SCCPDH: variants seen among roughly 807,000 people sequenced by gnomAD.
SCCPDH encodes the protein saccharopine dehydrogenase (putative).
In SCCPDH, 34 loss-of-function variants were observed where a neutral mutation model predicts 51.5. The ratio of observed to expected loss-of-function variants is 0.66; its 90% CI spans 0.50 to 0.88. The LOEUF (loss-of-function observed/expected upper bound fraction) is 0.88, where lower values mean the gene tolerates loss of function less well. SCCPDH is among the 40% of genes least tolerant of loss of function. The probability of loss-of-function intolerance (pLI) is 0.00; values close to 1 mark genes in which losing one functional copy is unlikely to be tolerated. For missense variants in SCCPDH, 464 were observed against 527.1 expected, an observed-to-expected ratio of 0.88 and a Z score of 1.17; for synonymous variants, 187 against 191.3, an observed-to-expected ratio of 0.98 and a Z score of 0.19.
At chr1:246,758,102 A>T in intron 5 of SCCPDH, 124 bp from the exon 6 acceptor site, 1 of 710,674 alleles carries the variant, frequency 1.4e-6, no homozygotes, top group East Asian at 2.9e-5. Flanking sequence ...AAGATTATTA[A>T]ATCAGGGATT....
chr1:246,724,762 AT>A, intron 1 of SCCPDH, 150 bp downstream of exon 1: 1 of 659,168 alleles, frequency 1.5e-6, no homozygotes, highest in Non-Finnish European at 2.4e-6. Flanking sequence ...GATGTTTCAA[AT>A]ACTGCCATAG....
At chr1:246,751,015 C>G (rs7527938) in intron 5 of SCCPDH, among the ~76,000 whole-genome samples, 40,557 of 152,190 alleles carry the variant, frequency 0.27, 5,892 homozygotes, top group Non-Finnish European at 0.32. Context: ...CTTGACGCAG[C>G]TGGAACAACA....
chr1:246,754,662 G>A (rs749272121), intron 5 of SCCPDH, among the ~76,000 whole-genome samples: 3 of 152,168 alleles, frequency 2.0e-5, no homozygotes, highest in Non-Finnish European at 2.9e-5. Flanking sequence ...AAGGGGGTCC[G>A]TGTGAGAGGG....
chr1:246,741,550 G>T (rs1001469818), intron 4 of SCCPDH, among the ~76,000 whole-genome samples: 5 of 151,950 alleles, frequency 3.3e-5, no homozygotes, highest in African/African-American at 1.2e-4. Context: ...CTCCCACCTT[G>T]GCCTCGCAGA....
At chr1:246,745,676 C>T (rs1488458070) in intron 5 of SCCPDH, among the ~76,000 whole-genome samples, 1 of 151,890 alleles carries the variant, frequency 6.6e-6, no homozygotes, top group Non-Finnish European at 1.5e-5. Context: ...GAAGTACTTT[C>T]TTCATCTCGA....
chr1:246,744,231 C>A, intron 5 of SCCPDH, 106 bp downstream of exon 5: 2 of 516,386 alleles, frequency 3.9e-6, no homozygotes, highest in South Asian at 4.8e-5. Context: ...GTGTGAAAGT[C>A]ACCATGTTTA....
chr1:246,744,166 T>C, intron 5 of SCCPDH, 41 bp downstream of exon 5: 3 of 1,249,070 alleles, frequency 2.4e-6, no homozygotes, highest in Non-Finnish European at 3.4e-6. Flanking sequence ...CAAGTTAATA[T>C]TAAAAATATT....
chr1:246,737,934 A>G (rs1412288294), intron 3 of SCCPDH, among the ~76,000 whole-genome samples: 2 of 152,074 alleles, frequency 1.3e-5, no homozygotes, highest in Non-Finnish European at 2.9e-5. Context: ...GTTGGCTCAT[A>G]CCTGTAATCT....
At position 246,764,193 on chromosome 1, in the gene SCCPDH, C is replaced by T. The variant is rs1004956805; in HGVS notation, c.991-53C>T. ...ATAGAATAGTCGGTTTTACTATGTT[C>T]CAGGAGGAAATGACGTATTTATGAA... On this transcript the variant is annotated intron_variant, in intron 9 of 11. Transcript: ENST00000366510. 3.7e-6 allele frequency: 4 copies of T among 1,081,790 alleles called. No homozygotes were observed. In the African/African-American group the frequency reaches 4.7e-5, roughly 13 times the overall value. The allele number at this position is 1,081,790 out of a possible 1,614,324, so 67.0% of individuals were successfully genotyped here.
chr1:246,728,833 G>A (rs943056521), intron 2 of SCCPDH, among the ~76,000 whole-genome samples: 3 of 152,076 alleles, frequency 2.0e-5, no homozygotes, highest in African/African-American at 7.2e-5. Flanking sequence ...GGAAAAACTG[G>A]TCCTCTTCCT....
At chr1:246,728,015 G>C (rs1202227232) in intron 2 of SCCPDH, among the ~76,000 whole-genome samples, 2 of 146,346 alleles carry the variant, frequency 1.4e-5, no homozygotes. Context: ...CAATGGAATG[G>C]TGCAAGCACA....
intron 3 of SCCPDH, 105 bp from the exon 4 acceptor site, chr1:246,740,067 T>G (rs1227403867): frequency 1.1e-6 from 1 of 880,970 alleles, no homozygotes; most frequent in Non-Finnish European, 1.7e-6. Flanking sequence ...CCACACTGCT[T>G]AGCATTTTCA....
At chr1:246,764,163 TTGAAA>T in intron 9 of SCCPDH, 78 bp from the exon 10 acceptor site, 1 of 786,578 alleles carries the variant, frequency 1.3e-6, no homozygotes, top group Non-Finnish European at 2.2e-6. Flanking sequence ...AATGTCTCAC[TTGAAA>T]TAGAATAGTC....
rs1267006149 is a variant in SCCPDH at position 246,767,338 on chromosome 1, A to T, written c.*38A>T. 4 of 1,197,594 alleles carry T rather than the reference A, an allele frequency of 3.3e-6. No homozygotes were observed. Among genetic ancestry groups the T allele is most frequent in the Admixed American group, 2.3e-5 (1 of 44,196 alleles). 74.2% of individuals were successfully genotyped at this position (1,197,594 alleles called of 1,614,324 possible). A position where few individuals can be genotyped will look rare whatever the true frequency, so the allele number is the denominator to read the frequency against. On this transcript the variant is annotated 3_prime_UTR_variant, in exon 12 of 12. Coordinates refer to ENST00000366510, the MANE Select transcript of SCCPDH (RefSeq NM_016002.3). ...TTAACTGAAGTCATAACGTGCGTGA[A>T]TTAACAGCTTCTCTATTTGATATTT...
At chr1:246,725,743 T>G (rs1410725084) in intron 1 of SCCPDH, among the ~76,000 whole-genome samples, 1 of 152,170 alleles carries the variant, frequency 6.6e-6, no homozygotes, top group Non-Finnish European at 1.5e-5. Flanking sequence ...CTTCCATTTC[T>G]TTTTTCGGCT....
chr1:246,766,088 T>C lies in SCCPDH; in HGVS notation c.1133T>C (p.Met378Thr). 3 of 1,613,664 alleles carry C rather than the reference T, an allele frequency of 1.9e-6. No individual in the cohort carries two copies. The highest frequency in any genetic ancestry group is 1.7e-4 in the Middle Eastern group (1 of 6,060). Residue 378 changes from methionine to threonine, a missense_variant, in exon 11 of 12, where the codon ATG (methionine) becomes ACG (threonine). Physicochemically the swap from Met to Thr is moderately conservative, Grantham distance 81 (BLOSUM62 -1). Transcript: ENST00000366510. The part of the protein sequence containing the change: ...EAGYVATPIA[M>T]VQAAMTLLSD... ...GGCTATGTGGCTACCCCCATAGCTA[T>C]GGTTCAGGCAGCCATGACTCTTCTA... is the stretch of plus-strand genomic sequence containing the variant.
chr1:246,729,540 CATT>C (rs1217037644), intron 2 of SCCPDH, among the ~76,000 whole-genome samples: 3 of 152,224 alleles, frequency 2.0e-5, no homozygotes, highest in Non-Finnish European at 4.4e-5. Flanking sequence ...GGCAGTCAGA[CATT>C]ATGGTTATCT....
intron 5 of SCCPDH, among the ~76,000 whole-genome samples, chr1:246,748,374 G>T (rs978599270): frequency 5.3e-5 from 8 of 152,218 alleles, no homozygotes; most frequent in African/African-American, 9.7e-5. Flanking sequence ...GGACAAAGCG[G>T]TAAGTCTTTG....
At chr1:246,764,183 T>A in intron 9 of SCCPDH, 63 bp from the exon 10 acceptor site, 1 of 976,898 alleles carries the variant, frequency 1.0e-6, no homozygotes, top group Non-Finnish European at 1.6e-6. Context: ...ATAGTCGGTT[T>A]TACTATGTTC....
Sources: gnomAD v4.1 joint callset for allele counts (sites outside exome capture counted in the v4.1 genomes callset) on GRCh38, gnomAD v4.1.1 for gene constraint, MANE v1.5 for transcripts, NCBI Gene and HGNC (gene_info 2026-07-23, HGNC 2026-07-21) for gene names.